Variants in FANCC observed in about 807,000 individuals in gnomAD.
FANCC encodes the protein FA complementation group C, also known as Fanconi anemia group C protein.
FANCC carries 55 observed loss-of-function variants against 71.3 expected under a neutral mutation model. The ratio of observed to expected loss-of-function variants is 0.77; its 90% CI spans 0.62 to 0.97. FANCC has a LOEUF of 0.97. FANCC is among the 50% of genes least tolerant of loss of function. FANCC has a pLI of 0.00. For synonymous variants in FANCC, 275 were observed against 244.9 expected, an observed-to-expected ratio of 1.12 and a Z score of -1.15; for missense variants, 678 against 670.9, an observed-to-expected ratio of 1.01 and a Z score of -0.12.
chr9:95,270,884 C>A (rs1321075528), intron 1 of FANCC, among the ~76,000 whole-genome samples: 1 of 152,140 alleles, frequency 6.6e-6, no homozygotes, highest in African/African-American at 2.4e-5. Flanking sequence ...CTCGATTTGG[C>A]CCATTTGTGG....
At chr9:95,314,288 A>T (rs1835598609) in intron 1 of FANCC, among the ~76,000 whole-genome samples, 1 of 152,256 alleles carries the variant, frequency 6.6e-6, no homozygotes, top group African/African-American at 2.4e-5. Flanking sequence ...AACAATCCAT[A>T]ATGAAATTTT....
In FANCC at chr9:95,223,704, C is replaced by G. The variant is rs140706322; in HGVS notation, c.345+16945G>C. On this transcript the variant is annotated intron_variant, in intron 4 of 14. Transcript: ENST00000289081. ...AGAAGTAATTACTATTAGCAGGGTA[C>G]AGTGGCTCACACCTGTAATCCCAGC... is the stretch of plus-strand genomic sequence containing the variant. 3.2e-3 allele frequency among the ~76,000 whole-genome samples: 480 copies of G among 152,290 alleles called. 9 individuals carry two copies. The East Asian group carries it at 0.044, about 14-fold the overall frequency.
intron 6 of FANCC, among the ~76,000 whole-genome samples, chr9:95,169,740 T>C (rs1346980049): frequency 1.3e-5 from 2 of 152,238 alleles, no homozygotes. Flanking sequence ...GTTCTCACTA[T>C]AATTTTTTGG....
chr9:95,202,370 CAG>C (rs1450772519), intron 4 of FANCC, among the ~76,000 whole-genome samples: 2 of 151,538 alleles, frequency 1.3e-5, no homozygotes, highest in African/African-American at 4.9e-5. Context: ...CTGGGCTTAA[CAG>C]GGGGCAGGAC....
chr9:95,216,090 C>T (rs558073477), intron 4 of FANCC, among the ~76,000 whole-genome samples: 10 of 152,132 alleles, frequency 6.6e-5, no homozygotes, highest in South Asian at 2.1e-4. Flanking sequence ...AAAAACTATA[C>T]GCTACCTATG....
chr9:95,268,062 C>T (rs1832492824), intron 1 of FANCC, among the ~76,000 whole-genome samples: 2 of 152,334 alleles, frequency 1.3e-5, no homozygotes, highest in South Asian at 4.1e-4. Context: ...TGGGTCAGAT[C>T]AGCACATCCA....
intron 1 of FANCC, among the ~76,000 whole-genome samples, chr9:95,266,691 C>T (rs1832402999): frequency 6.6e-6 from 1 of 151,948 alleles, no homozygotes; most frequent in Non-Finnish European, 1.5e-5. Context: ...GAAGGTGAAA[C>T]CTTTGTAGAG....
intron 1 of FANCC, among the ~76,000 whole-genome samples, chr9:95,296,748 A>G (rs1197458768): frequency 6.6e-6 from 1 of 152,238 alleles, no homozygotes; most frequent in Admixed American, 6.5e-5. Flanking sequence ...AAAGAACATC[A>G]AACATGAACA....
chr9:95,215,773 G>T lies in FANCC; in HGVS notation c.345+24876C>A, dbSNP rs560362033. Among the ~76,000 whole-genome samples the T allele has an allele frequency of 2.7e-4, 41 of 152,320 alleles. No individual in the cohort carries two copies. The South Asian group carries it at 8.5e-3, about 32-fold the overall frequency. On this transcript the variant is annotated intron_variant, in intron 4 of 14. Coordinates refer to ENST00000289081, the MANE Select transcript of FANCC (RefSeq NM_000136.3). ...TCATTTGAGGAACCAGCTGACAGTC[G>T]GTATCAACTAACGTCAGGAAAACTA...
intron 4 of FANCC, among the ~76,000 whole-genome samples, chr9:95,222,987 T>C (rs1431974694): frequency 6.6e-6 from 1 of 152,234 alleles, no homozygotes; most frequent in African/African-American, 2.4e-5. Flanking sequence ...GCCTAGATAT[T>C]TGGATTCTCA....
intron 1 of FANCC, among the ~76,000 whole-genome samples, chr9:95,250,417 G>A (rs1224514628): frequency 6.7e-6 from 1 of 150,010 alleles, no homozygotes; most frequent in Non-Finnish European, 1.5e-5. Context: ...TACTAAAGAA[G>A]AAATTTGAAA....
intron 4 of FANCC, among the ~76,000 whole-genome samples, chr9:95,196,334 T>C (rs757930058): frequency 3.3e-5 from 5 of 152,226 alleles, no homozygotes; most frequent in African/African-American, 4.8e-5. Context: ...TCTTATTAAA[T>C]GCATTTTTCC....
At chr9:95,180,923 A>C (rs553662819) in intron 4 of FANCC, among the ~76,000 whole-genome samples, 1 of 152,136 alleles carries the variant, frequency 6.6e-6, no homozygotes, top group South Asian at 2.1e-4. Flanking sequence ...CCACTATTGT[A>C]CATGCAGGCT....
chr9:95,203,865 A>G (rs558675267), intron 4 of FANCC, among the ~76,000 whole-genome samples: 2 of 152,294 alleles, frequency 1.3e-5, no homozygotes, highest in East Asian at 3.9e-4. Flanking sequence ...ATGTTGCTTT[A>G]GTTCAATTTA....
chr9:95,252,302 A>T (rs914841418), intron 1 of FANCC, among the ~76,000 whole-genome samples: 4 of 151,236 alleles, frequency 2.6e-5, no homozygotes, highest in Non-Finnish European at 3.0e-5. Context: ...AAAGAAAAAA[A>T]AAAGAAACAA....
intron 4 of FANCC, among the ~76,000 whole-genome samples, chr9:95,181,229 T>G (rs1826344688): frequency 1.3e-5 from 2 of 151,966 alleles, no homozygotes; most frequent in South Asian, 4.2e-4. Flanking sequence ...CGTTTTTCCA[T>G]AATTCTGTAA....
chr9:95,245,563 C>T (rs1830912757), intron 3 of FANCC, among the ~76,000 whole-genome samples: 1 of 151,604 alleles, frequency 6.6e-6, no homozygotes, highest in Non-Finnish European at 1.5e-5. Flanking sequence ...TTATGTACTA[C>T]ACTATATTGT....
rs1827512276 is a variant in FANCC, at chr9:95,135,286, AG to A, written c.843+59del. Reference sequence around the variant, plus strand: ...CCCCCCCTTTCATTCTCTGACTAAAAGAAATGATTCCAAGCATCTCCTTCAA... The same window carrying A: ...CCCCCCCTTTCATTCTCTGACTAAAAAAATGATTCCAAGCATCTCCTTCAA... On this transcript the variant is annotated intron_variant, in intron 8 of 14. Coordinates refer to ENST00000289081, the MANE Select transcript of FANCC (RefSeq NM_000136.3). 8 of 1,534,644 alleles carry A rather than the reference AG, an allele frequency of 5.2e-6. No homozygotes were observed. The East Asian group carries it at 1.8e-4, about 35-fold the overall frequency.
At chr9:95,173,735 G>A (rs900937789) in intron 4 of FANCC, among the ~76,000 whole-genome samples, 1 of 152,048 alleles carries the variant, frequency 6.6e-6, no homozygotes, top group Non-Finnish European at 1.5e-5. Context: ...GGGCAACACA[G>A]AGAAATCCCA....
Sources: allele counts gnomAD v4.1 joint callset (sites outside exome capture counted in the v4.1 genomes callset), GRCh38; gene constraint gnomAD v4.1.1; transcripts MANE v1.5; gene names NCBI Gene and HGNC (gene_info 2026-07-23, HGNC 2026-07-21).